The following TADA2A variants were observed in gnomAD, a reference collection of about 807,000 sequenced individuals.
The protein encoded by TADA2A is transcriptional adapter 2-alpha.
In TADA2A, 38 loss-of-function variants were observed where a neutral mutation model predicts 67.4. That is an observed-to-expected ratio of 0.56 (90% confidence interval 0.44 to 0.74). The LOEUF (loss-of-function observed/expected upper bound fraction) is 0.74. Ranked by LOEUF, TADA2A falls within the 30% of genes least tolerant of loss-of-function variation. The probability of loss-of-function intolerance (pLI) is 0.00; values close to 1 mark genes in which losing one functional copy is unlikely to be tolerated. For synonymous variants in TADA2A, 192 were observed against 181.6 expected (o/e 1.06, Z -0.46); for missense variants, 454 against 547.0 (o/e 0.83, Z 1.70).
chr17:37,448,625 T>G (rs2053148445), intron 8 of TADA2A, among the ~76,000 whole-genome samples: 2 of 152,118 alleles, frequency 1.3e-5, no homozygotes. Context: ...TCTTCCTAAA[T>G]TTTTAGAGTA....
At chr17:37,475,514 C>T (rs572306523) in intron 15 of TADA2A, among the ~76,000 whole-genome samples, 19 of 152,146 alleles carry the variant, frequency 1.2e-4, no homozygotes, top group Admixed American at 3.9e-4. Context: ...GCTCTGTTAC[C>T]CAGGCTGGAG....
chr17:37,457,176 C>CTTT lies in TADA2A; in HGVS notation c.605-1328_605-1326dup, dbSNP rs34125875. Among the ~76,000 whole-genome samples the CTTT allele has an allele frequency of 6.3e-3, 666 of 105,904 alleles. 5 individuals are homozygous for CTTT. Among genetic ancestry groups the CTTT allele is most frequent in the Non-Finnish European group, 8.2e-3 (434 of 53,250 alleles). 69.5% of individuals were successfully genotyped at this position (105,904 alleles called of 152,430 possible). On this transcript the variant is annotated intron_variant, in intron 8 of 15. Transcript: ENST00000615182. The stretch of plus-strand genomic sequence containing the variant: ...TGCAGTTATGACCACAATCATTATT[C>CTTT]TTTTTTTTTTTTTTTTTTTTTTGAG...
chr17:37,450,716 C>G (rs1023555489), intron 8 of TADA2A: 1 of 152,262 alleles, frequency 6.6e-6, no homozygotes, highest in Non-Finnish European at 1.5e-5. Context: ...ACTGCAGCTT[C>G]CAGCTGCTTT....
chr17:37,407,048 G>C (rs1189040967), intron 1 of TADA2A, 99 bp downstream of exon 1: 1 of 147,188 alleles, frequency 6.8e-6, no homozygotes, highest in Non-Finnish European at 1.5e-5. Flanking sequence ...GAGGTGCGGC[G>C]GGGGAGGAGT....
At chr17:37,427,305 C>T (rs1325665049) in intron 4 of TADA2A, among the ~76,000 whole-genome samples, 3 of 152,168 alleles carry the variant, frequency 2.0e-5, no homozygotes, top group African/African-American at 7.2e-5. Context: ...ATGAGGATAA[C>T]AGGTATGCTG....
At chr17:37,459,672 AG>A (rs1568175378) in intron 9 of TADA2A, among the ~76,000 whole-genome samples, 2 of 150,958 alleles carry the variant, frequency 1.3e-5, no homozygotes, top group Non-Finnish European at 2.9e-5. Flanking sequence ...GGCTCACTGC[AG>A]TCTCCAACTC....
At chr17:37,476,650 A>T in intron 15 of TADA2A, 147 bp from the exon 16 acceptor site, 1 of 732,196 alleles carries the variant, frequency 1.4e-6, no homozygotes, top group Non-Finnish European at 2.2e-6. Flanking sequence ...AGAGGAAGAG[A>T]CTAAATGGAA....
chr17:37,411,589 A>G (rs1231488991), intron 2 of TADA2A, among the ~76,000 whole-genome samples, 199 bp downstream of exon 2: 3 of 151,530 alleles, frequency 2.0e-5, no homozygotes, highest in African/African-American at 7.3e-5. Flanking sequence ...CACACAGCTA[A>G]TTTTTTTTAT....
chr17:37,439,831 G>A (rs914694190), intron 5 of TADA2A, among the ~76,000 whole-genome samples: 1 of 151,654 alleles, frequency 6.6e-6, no homozygotes, highest in African/African-American at 2.4e-5. Flanking sequence ...ATGTTCTGAA[G>A]TCACTTCTTA....
chr17:37,439,021 AG>A lies in TADA2A; in HGVS notation c.284+1196del, dbSNP rs34416475. Among the ~76,000 whole-genome samples, 172 of 152,306 alleles carry A rather than the reference AG, an allele frequency of 1.1e-3. 1 individual carries two copies. Among genetic ancestry groups the A allele is most frequent in the Admixed American group, 4.7e-3 (72 of 15,286 alleles). ...ACACAAAACAGCACAGTGATGCCTT[AG>A]GGGAGGTCAAGTGAAATGCTGTGAA... On this transcript the variant is annotated intron_variant, in intron 5 of 15. Coordinates refer to ENST00000615182, the MANE Select transcript of TADA2A (RefSeq NM_001166105.3).
chr17:37,469,353 GC>G (rs2053735241), intron 12 of TADA2A, among the ~76,000 whole-genome samples: 1 of 151,796 alleles, frequency 6.6e-6, no homozygotes, highest in Non-Finnish European at 1.5e-5. Flanking sequence ...ATAAAAGTGG[GC>G]TGGGCACGGT....
intron 12 of TADA2A, 84 bp from the exon 13 acceptor site, chr17:37,470,316 C>A: frequency 1.3e-6 from 2 of 1,549,014 alleles, no homozygotes; most frequent in Non-Finnish European, 1.7e-6. Flanking sequence ...AGAACAAAAC[C>A]CAAAACCGGT....
rs540121829 is a variant in TADA2A at position 37,420,504 on chromosome 17, T to G, written c.26-3005T>G. On this transcript the variant is annotated intron_variant, in intron 2 of 15. Transcript: ENST00000615182. ...GCCTCCCGGGTTCAAACAATTCTCC[T>G]GCCTCAGCCTCCTGAGTAGCTGAGA... 3.5e-4 allele frequency among the ~76,000 whole-genome samples: 50 copies of G among 144,406 alleles called. 1 individual carries two copies. Among genetic ancestry groups the G allele is most frequent in the Admixed American group, 1.4e-3 (20 of 14,234 alleles). The allele number at this position is 144,406 out of a possible 152,430, so 94.7% of individuals were successfully genotyped here. A position where few individuals can be genotyped will look rare whatever the true frequency, so the allele number is the denominator to read the frequency against.
chr17:37,444,055 T>C (rs539156014), intron 7 of TADA2A, among the ~76,000 whole-genome samples: 1 of 151,938 alleles, frequency 6.6e-6, no homozygotes, highest in African/African-American at 2.4e-5. Context: ...CTGGGCAACA[T>C]GGCAAAACGC....
At chr17:37,472,695 G>GA (rs949667995) in intron 14 of TADA2A, among the ~76,000 whole-genome samples, 4 of 149,644 alleles carry the variant, frequency 2.7e-5, no homozygotes, top group South Asian at 2.1e-4. Flanking sequence ...CATCTCTCCT[G>GA]AAAAAAAAAT....
chr17:37,417,908 A>G (rs904268289), intron 2 of TADA2A, among the ~76,000 whole-genome samples: 1 of 152,208 alleles, frequency 6.6e-6, no homozygotes, highest in South Asian at 2.1e-4. Context: ...GAAGTAATCT[A>G]TGGTAAAACA....
intron 14 of TADA2A, among the ~76,000 whole-genome samples, chr17:37,473,677 G>C (rs1377480370): frequency 6.6e-6 from 1 of 152,122 alleles, no homozygotes; most frequent in Non-Finnish European, 1.5e-5. Flanking sequence ...AAAAAGTTTT[G>C]CTCATCAAGC....
chr17:37,411,047 A>G (rs550591753), intron 1 of TADA2A, among the ~76,000 whole-genome samples: 2 of 152,324 alleles, frequency 1.3e-5, no homozygotes, highest in South Asian at 4.1e-4. Flanking sequence ...TACATTACTT[A>G]TATGGATTAT....
At position 37,411,257 on chromosome 17, in the gene TADA2A, G is replaced by T; in HGVS notation, c.-97-12G>T. On this transcript the variant is annotated splice_polypyrimidine_tract_variant and intron_variant, in intron 1 of 15. Transcript: ENST00000615182. ...ATTTTCTGATCCATGTGCCACTTTT[G>T]TTTGTTCCTAGGGAGTCATCAAGCT... is the stretch of plus-strand genomic sequence containing the variant. 1 of 996,760 alleles carries T rather than the reference G, an allele frequency of 1.0e-6. No homozygotes were observed. Among genetic ancestry groups the T allele is most frequent in the Non-Finnish European group, 1.6e-6 (1 of 633,392 alleles). The allele number at this position is 996,760 out of a possible 1,614,324, so 61.7% of individuals were successfully genotyped here. A position where few individuals can be genotyped will look rare whatever the true frequency, so the allele number is the denominator to read the frequency against.
Sources: gnomAD v4.1 joint callset for allele counts (sites outside exome capture counted in the v4.1 genomes callset) on GRCh38, gnomAD v4.1.1 for gene constraint, MANE v1.5 for transcripts, NCBI Gene and HGNC (gene_info 2026-07-23, HGNC 2026-07-21) for gene names.